Variants in DMXL1 observed in about 807,000 individuals in gnomAD.
DMXL1 encodes the protein dmX-like protein 1.
In DMXL1, 99 loss-of-function variants were observed where a neutral mutation model predicts 319.2. The ratio of observed to expected loss-of-function variants is 0.31; its 90% confidence interval spans 0.26 to 0.37. The LOEUF (loss-of-function observed/expected upper bound fraction) is 0.37, where lower values mean the gene tolerates loss of function less well. DMXL1 is among the 10% of genes least tolerant of loss of function. DMXL1 has a pLI of 1.00. For synonymous variants in DMXL1, 1,385 were observed against 1,235.2 expected (o/e 1.12, Z -2.54); for missense variants, 3,745 against 3,595.6 (o/e 1.04, Z -1.06).
chr5:119,198,288 C>G (rs2150418918), intron 32 of DMXL1, among the ~76,000 whole-genome samples: 1 of 152,318 alleles, frequency 6.6e-6, no homozygotes, highest in East Asian at 1.9e-4. Flanking sequence ...CGCACCTGCC[C>G]TGAATACTGT....
chr5:119,205,561 C>T (rs1307987856), intron 33 of DMXL1, among the ~76,000 whole-genome samples: 1 of 151,540 alleles, frequency 6.6e-6, no homozygotes, highest in Non-Finnish European at 1.5e-5. Context: ...ACTATAATAG[C>T]CCTTACTTTG....
intron 37 of DMXL1, 132 bp downstream of exon 37, chr5:119,221,213 G>T (rs1380885679): frequency 3.4e-6 from 2 of 593,044 alleles, no homozygotes; most frequent in South Asian, 8.7e-5. Flanking sequence ...GTTGGAAATT[G>T]TAAATTTTGA....
intron 10 of DMXL1, among the ~76,000 whole-genome samples, chr5:119,130,170 A>G (rs1764530613): frequency 6.6e-6 from 1 of 152,164 alleles, no homozygotes; most frequent in African/African-American, 2.4e-5. Flanking sequence ...AAGAAAAATC[A>G]AACAGGTACA....
intron 9 of DMXL1, chr5:119,126,802 G>C (rs1465251348): frequency 6.3e-6 from 1 of 157,622 alleles, no homozygotes; most frequent in Non-Finnish European, 1.5e-5. Context: ...GTCTTGAAGA[G>C]TTCTGTTCTA....
chr5:119,094,752 A>G (rs1038039350), intron 1 of DMXL1, among the ~76,000 whole-genome samples: 5 of 152,262 alleles, frequency 3.3e-5, no homozygotes, highest in Non-Finnish European at 5.9e-5. Flanking sequence ...CAAAATATCA[A>G]CATTACCAAG....
chr5:119,173,766 A>ATGTG (rs376741039), intron 25 of DMXL1, among the ~76,000 whole-genome samples: 5 of 76,576 alleles, frequency 6.5e-5, no homozygotes, highest in South Asian at 5.3e-4. Flanking sequence ...ATATATATAT[A>ATGTG]TGTGTGTGTG....
rs1324951772 is a variant in DMXL1, at chr5:119,086,621, TGTTA to T, written c.88-11354_88-11351del. Among the ~76,000 whole-genome samples the T allele has an allele frequency of 1.8e-4, 28 of 152,312 alleles. No individual in the cohort carries two copies. The South Asian group carries it at 5.6e-3, about 30-fold the overall frequency. ...TTTTGAAGAGTTTGAGTAGAATTGGTGTTAGTTCTTCTTTAAATGTTTGATAGAA... is the reference window on the plus strand; with the variant it reads ...TTTTGAAGAGTTTGAGTAGAATTGGTGTTCTTCTTTAAATGTTTGATAGAA... On this transcript the variant is annotated intron_variant, in intron 1 of 43. Transcript: ENST00000539542.
At chr5:119,125,430 A>G (rs920504165) in intron 9 of DMXL1, among the ~76,000 whole-genome samples, 5 of 152,332 alleles carry the variant, frequency 3.3e-5, no homozygotes, top group South Asian at 4.1e-4. Context: ...AAGGTGCTAT[A>G]TTCTATTTTA....
intron 38 of DMXL1, among the ~76,000 whole-genome samples, chr5:119,229,703 A>T (rs1262459842): frequency 6.6e-6 from 1 of 152,204 alleles, no homozygotes; most frequent in African/African-American, 2.4e-5. Context: ...TATTTTCAGT[A>T]GTTTTAATTA....
intron 29 of DMXL1, among the ~76,000 whole-genome samples, chr5:119,193,170 C>T (rs1032128906): frequency 6.6e-5 from 10 of 152,208 alleles, no homozygotes; most frequent in African/African-American, 1.4e-4. Flanking sequence ...CTGTCTTCTA[C>T]GTACAACTTA....
intron 27 of DMXL1, among the ~76,000 whole-genome samples, 176 bp downstream of exon 27, chr5:119,177,660 G>T (rs1205402441): frequency 6.6e-6 from 1 of 151,940 alleles, no homozygotes; most frequent in Non-Finnish European, 1.5e-5. Context: ...GTATTCCCTT[G>T]ATCATTATAC....
chr5:119,240,694 T>G (rs1000918999), intron 42 of DMXL1, among the ~76,000 whole-genome samples: 2 of 152,216 alleles, frequency 1.3e-5, no homozygotes, highest in African/African-American at 4.8e-5. Context: ...ATAAAAATCA[T>G]TTGTCTTTAC....
intron 1 of DMXL1, among the ~76,000 whole-genome samples, chr5:119,082,050 CACACACAT>C (rs1378544523): frequency 4.8e-5 from 7 of 147,186 alleles, no homozygotes; most frequent in Admixed American, 2.7e-4. Context: ...CACACACACA[CACACACAT>C]ACACGTATAT....
At chr5:119,183,930 A>C (rs755475450) in intron 28 of DMXL1, among the ~76,000 whole-genome samples, 1 of 152,238 alleles carries the variant, frequency 6.6e-6, no homozygotes, top group Non-Finnish European at 1.5e-5. Context: ...ATGTGCATGT[A>C]TAGATTTTTA....
At chr5:119,082,020 TACACACACACACACACACACAC>T (rs565047535) in intron 1 of DMXL1, among the ~76,000 whole-genome samples, 1 of 108,164 alleles carries the variant, frequency 9.2e-6, no homozygotes, top group Non-Finnish European at 1.7e-5. Flanking sequence ...TATATATATA[TACACACACACACACACACACAC>T]ACACACACAC....
intron 9 of DMXL1, chr5:119,128,177 C>G: frequency 2.1e-6 from 1 of 467,538 alleles, no homozygotes; most frequent in South Asian, 1.6e-5. Context: ...CATAGTTCCA[C>G]CTGCACGGTC....
chr5:119,133,928 C>A lies in DMXL1; in HGVS notation c.2004C>A (p.Asn668Lys), dbSNP rs200656732. The A allele has an allele frequency of 1.9e-6, 3 of 1,614,136 alleles. No homozygotes were observed. The highest frequency in any genetic ancestry group is 1.7e-6 in the Non-Finnish European group (2 of 1,180,018). The change falls in exon 12 of 44, where the codon AAC becomes AAA. Residue 668 changes from asparagine to lysine, a missense_variant. Coordinates refer to ENST00000539542, the MANE Select transcript of DMXL1 (RefSeq NM_001290321.3). ...CATTAAGGACACCAGATGTTGATAACCCAGAGCAACCTTTTGATGCTCTAA... is the reference window on the plus strand; with the variant it reads ...CATTAAGGACACCAGATGTTGATAAACCAGAGCAACCTTTTGATGCTCTAA... ...HNALRTPDVD[N>K]PEQPFDALNI...
intron 9 of DMXL1, among the ~76,000 whole-genome samples, chr5:119,125,119 G>A (rs1472168199): frequency 2.6e-5 from 4 of 152,130 alleles, no homozygotes; most frequent in Middle Eastern, 3.2e-3. Flanking sequence ...CAAACATTAT[G>A]TTGGAAGTCT....
intron 4 of DMXL1, among the ~76,000 whole-genome samples, chr5:119,106,908 G>T (rs1374639327): frequency 6.6e-6 from 1 of 152,182 alleles, no homozygotes; most frequent in Non-Finnish European, 1.5e-5. Context: ...TACTTTGAGA[G>T]TATCTATGAC....
Sources: allele counts gnomAD v4.1 joint callset (sites outside exome capture counted in the v4.1 genomes callset), GRCh38; gene constraint gnomAD v4.1.1; transcripts MANE v1.5; gene names NCBI Gene and HGNC (gene_info 2026-07-23, HGNC 2026-07-21).